The following FMNL2 variants were observed in gnomAD, a reference collection of about 807,000 sequenced individuals.
FMNL2 encodes the protein formin-like protein 2.
In FMNL2, 51 loss-of-function variants were observed where a neutral mutation model predicts 130.2. The observed-to-expected ratio is 0.39, with a 90% CI of 0.31 to 0.49. The LOEUF (loss-of-function observed/expected upper bound fraction) is 0.49. FMNL2 is among the 20% of genes least tolerant of loss of function. FMNL2 has a pLI of 0.85. For synonymous variants in FMNL2, 465 were observed against 467.1 expected (o/e 1.00, Z 0.06); for missense variants, 977 against 1,316.2 (o/e 0.74, Z 3.99).
chr2:152,505,171 G>A (rs1692090842), intron 1 of FMNL2, among the ~76,000 whole-genome samples: 1 of 151,870 alleles, frequency 6.6e-6, no homozygotes, highest in Non-Finnish European at 1.5e-5. Flanking sequence ...AAACCCTGAA[G>A]CATGAGAGAT....
At chr2:152,352,199 T>G (rs4664103) in intron 1 of FMNL2, among the ~76,000 whole-genome samples, 40 of 152,138 alleles carry the variant, frequency 2.6e-4, no homozygotes, top group African/African-American at 9.2e-4. Context: ...GATTTTAAGG[T>G]AGCCCTAATG....
intron 1 of FMNL2, among the ~76,000 whole-genome samples, chr2:152,456,319 G>T (rs1411171076): frequency 1.3e-5 from 2 of 152,194 alleles, no homozygotes; most frequent in African/African-American, 4.8e-5. Flanking sequence ...TGATCACCTT[G>T]ATCTCTTACC....
intron 20 of FMNL2, among the ~76,000 whole-genome samples, chr2:152,631,356 G>A (rs1402743329): frequency 1.5e-5 from 2 of 130,224 alleles, no homozygotes; most frequent in African/African-American, 5.9e-5. Context: ...TTGTGCCACT[G>A]CACTCCACCC....
At chr2:152,537,816 C>T (rs571838161) in intron 2 of FMNL2, among the ~76,000 whole-genome samples, 1 of 152,034 alleles carries the variant, frequency 6.6e-6, no homozygotes, top group South Asian at 2.1e-4. Context: ...GTAAAATGAA[C>T]AAGCATCAGA....
intron 2 of FMNL2, among the ~76,000 whole-genome samples, chr2:152,532,111 A>G (rs79891161): frequency 0.014 from 2,204 of 152,306 alleles, 56 homozygotes; most frequent in African/African-American, 0.051. Flanking sequence ...ACTAAGGTTT[A>G]TAGGATCCCT....
intron 1 of FMNL2, among the ~76,000 whole-genome samples, chr2:152,359,088 G>A (rs1683009842): frequency 6.6e-6 from 1 of 152,120 alleles, no homozygotes; most frequent in African/African-American, 2.4e-5. Context: ...CCATCTAGGA[G>A]CTTACAGTGT....
At chr2:152,575,307 CT>C in intron 7 of FMNL2, 63 bp downstream of exon 7, 2 of 1,103,732 alleles carry the variant, frequency 1.8e-6, no homozygotes, top group Non-Finnish European at 2.7e-6. Flanking sequence ...GAAATGACTG[CT>C]GGGTGCAGTG....
At chr2:152,570,046 C>T (rs1048162442) in intron 6 of FMNL2, among the ~76,000 whole-genome samples, 8 of 151,208 alleles carry the variant, frequency 5.3e-5, no homozygotes, top group Non-Finnish European at 7.4e-5. Flanking sequence ...TTGCAAAAAT[C>T]GCTTAGTTTT....
At chr2:152,406,618 G>T (rs1351174320) in intron 1 of FMNL2, among the ~76,000 whole-genome samples, 1 of 152,192 alleles carries the variant, frequency 6.6e-6, no homozygotes, top group East Asian at 1.9e-4. Flanking sequence ...TGATGTTTGT[G>T]TGGAAGTGTA....
At chr2:152,590,769 A>C (rs1211741669) in intron 9 of FMNL2, among the ~76,000 whole-genome samples, 2 of 152,010 alleles carry the variant, frequency 1.3e-5, no homozygotes, top group Admixed American at 1.3e-4. Flanking sequence ...TGTACATTAA[A>C]TATATGTGTG....
intron 9 of FMNL2, among the ~76,000 whole-genome samples, chr2:152,583,369 C>G (rs983972905): frequency 1.8e-4 from 27 of 152,076 alleles, no homozygotes; most frequent in Admixed American, 1.6e-3. Flanking sequence ...GACATCCTCA[C>G]AAGAATGAAT....
intron 11 of FMNL2, among the ~76,000 whole-genome samples, chr2:152,611,966 T>C (rs1168729194): frequency 6.6e-6 from 1 of 152,104 alleles, no homozygotes; most frequent in Non-Finnish European, 1.5e-5. Flanking sequence ...GGGGACCCCA[T>C]CTGGGCAGAG....
chr2:152,514,162 A>C (rs546971905), intron 1 of FMNL2, among the ~76,000 whole-genome samples: 1 of 152,176 alleles, frequency 6.6e-6, no homozygotes, highest in Non-Finnish European at 1.5e-5. Flanking sequence ...CAAGTGACTT[A>C]ATTTGATGTC....
intron 1 of FMNL2, among the ~76,000 whole-genome samples, chr2:152,391,908 GTTTT>G (rs10584642): frequency 9.0e-6 from 1 of 111,104 alleles, no homozygotes; most frequent in Non-Finnish European, 1.8e-5. Flanking sequence ...GCTAGAAGTT[GTTTT>G]TTTTTTTTTT....
chr2:152,540,297 A>AT (rs1694238178), intron 2 of FMNL2, among the ~76,000 whole-genome samples: 1 of 152,022 alleles, frequency 6.6e-6, no homozygotes, highest in Non-Finnish European at 1.5e-5. Flanking sequence ...TGGCAATAGG[A>AT]TCCCCTCTGA....
At chr2:152,354,974 C>T (rs562837450) in intron 1 of FMNL2, among the ~76,000 whole-genome samples, 2 of 152,098 alleles carry the variant, frequency 1.3e-5, no homozygotes, top group Admixed American at 6.5e-5. Context: ...CTTCTTATGC[C>T]GTTTATTGTA....
intron 1 of FMNL2, among the ~76,000 whole-genome samples, chr2:152,515,039 AGATGACACTCTAAAT>A (rs1231816207): frequency 1.3e-5 from 2 of 152,174 alleles, no homozygotes; most frequent in Non-Finnish European, 2.9e-5. Context: ...AACTTAGCTG[AGATGACACTCTAAAT>A]GAGTGGTAGT....
chr2:152,449,460 G>C (rs998090189), intron 1 of FMNL2, among the ~76,000 whole-genome samples: 1 of 152,122 alleles, frequency 6.6e-6, no homozygotes, highest in African/African-American at 2.4e-5. Context: ...AAAATAGTCT[G>C]TAGTTTTATG....
At chr2:152,435,613 G>A (rs1687714632) in intron 1 of FMNL2, among the ~76,000 whole-genome samples, 1 of 151,342 alleles carries the variant, frequency 6.6e-6, no homozygotes, top group Non-Finnish European at 1.5e-5. Context: ...CACAAGTGAT[G>A]GTGTATTGGT....
Sources: allele counts gnomAD v4.1 joint callset (sites outside exome capture counted in the v4.1 genomes callset), GRCh38; gene constraint gnomAD v4.1.1; transcripts MANE v1.5; gene names NCBI Gene and HGNC (gene_info 2026-07-23, HGNC 2026-07-21).